DSG4: variants seen among roughly 807,000 people sequenced by gnomAD.
DSG4 encodes the protein desmoglein 4, also known as desmoglein-4.
In DSG4, 87 loss-of-function variants were observed where a neutral mutation model predicts 93.1. The observed-to-expected ratio is 0.93, with a 90% CI of 0.79 to 1.12. The LOEUF (loss-of-function observed/expected upper bound fraction) is 1.12, where lower values mean the gene tolerates loss of function less well. DSG4 is among the 50% of genes most tolerant of loss of function. DSG4 has a pLI of 0.00. For synonymous variants in DSG4, 432 were observed against 452.9 expected (o/e 0.95, Z 0.59); for missense variants, 1,373 against 1,285.7 (o/e 1.07, Z -1.04).
chr18:31,405,468 A>G (rs887346689), intron 11 of DSG4, among the ~76,000 whole-genome samples: 10 of 152,152 alleles, frequency 6.6e-5, no homozygotes, highest in Non-Finnish European at 1.2e-4. Flanking sequence ...TTATATGCCA[A>G]TTACTGTTGC....
At chr18:31,404,419 A>G (rs2072402644) in intron 11 of DSG4, among the ~76,000 whole-genome samples, 1 of 152,190 alleles carries the variant, frequency 6.6e-6, no homozygotes, top group South Asian at 2.1e-4. Context: ...TTTTCCTAAA[A>G]CGTTAAGTGC....
intron 5 of DSG4, 97 bp downstream of exon 5, chr18:31,389,115 A>G: frequency 7.2e-7 from 1 of 1,386,398 alleles, no homozygotes; most frequent in South Asian, 1.2e-5. Context: ...TAAAGGACAG[A>G]AAAAGCCACA....
Position 31,414,012 on chromosome 18 carries a change from A to AT in DSG4, c.*422dup, listed in dbSNP as rs1233698199. 4.3e-5 allele frequency: 7 copies of AT among 161,610 alleles called. 1 individual carries two copies. The South Asian group carries it at 6.8e-4, about 16-fold the overall frequency. The allele number at this position is 161,610 out of a possible 1,614,324, so 10.0% of individuals were successfully genotyped here. ...TCGTTAGGGAAATATTTATATTAAA[A>AT]TTTTTAATTGAAAAGTTGAATGAAA... On this transcript the variant is annotated 3_prime_UTR_variant, in exon 16 of 16. Transcript: ENST00000308128.
intron 1 of DSG4, among the ~76,000 whole-genome samples, chr18:31,379,082 G>A (rs2072107281): frequency 6.6e-6 from 1 of 152,096 alleles, no homozygotes. Flanking sequence ...ATTACAATAG[G>A]GCACTGATTT....
chr18:31,388,339 A>G (rs764662007), intron 3 of DSG4, 28 bp from the exon 4 acceptor site: 1 of 1,611,710 alleles, frequency 6.2e-7, no homozygotes, highest in South Asian at 1.1e-5. Context: ...TCTAAACTGG[A>G]TCACAATCCT....
intron 8 of DSG4, among the ~76,000 whole-genome samples, chr18:31,398,729 T>C (rs533401047): frequency 6.6e-6 from 1 of 152,212 alleles, no homozygotes; most frequent in Non-Finnish European, 1.5e-5. Flanking sequence ...GGAGTCTTCC[T>C]GTCCACCAGA....
intron 2 of DSG4, among the ~76,000 whole-genome samples, 157 bp from the exon 3 acceptor site, chr18:31,386,527 GCTAT>G (rs2072189457): frequency 6.6e-6 from 1 of 152,126 alleles, no homozygotes; most frequent in South Asian, 2.1e-4. Context: ...GGGTAACCAA[GCTAT>G]CTATCTATCC....
intron 1 of DSG4, among the ~76,000 whole-genome samples, chr18:31,378,179 T>C (rs2072097509): frequency 1.3e-5 from 2 of 152,220 alleles, no homozygotes; most frequent in South Asian, 4.1e-4. Context: ...AATACCATTT[T>C]TGAAAAATAT....
chr18:31,400,770 T>C, intron 9 of DSG4, 111 bp from the exon 10 acceptor site: 3 of 1,132,544 alleles, frequency 2.6e-6, no homozygotes, highest in South Asian at 2.8e-5. Context: ...CAATCATCAC[T>C]ATAAAACATA....
At chr18:31,398,487 T>C (rs1221365649) in intron 8 of DSG4, among the ~76,000 whole-genome samples, 1 of 152,232 alleles carries the variant, frequency 6.6e-6, no homozygotes, top group Non-Finnish European at 1.5e-5. Context: ...CTTGCTGATA[T>C]CTTGACTTCT....
At chr18:31,401,567 A>G (rs541213782) in intron 10 of DSG4, 3 of 152,476 alleles carry the variant, frequency 2.0e-5, no homozygotes, top group South Asian at 2.1e-4. Flanking sequence ...TCATAAATAC[A>G]GATGCACTGA....
At chr18:31,404,853 G>A (rs527857157) in intron 11 of DSG4, among the ~76,000 whole-genome samples, 2 of 151,728 alleles carry the variant, frequency 1.3e-5, no homozygotes, top group South Asian at 2.1e-4. Context: ...TTCCTCATTC[G>A]GATCCTAGAT....
intron 1 of DSG4, among the ~76,000 whole-genome samples, chr18:31,381,252 G>C (rs1041844655): frequency 6.6e-6 from 1 of 152,132 alleles, no homozygotes; most frequent in African/African-American, 2.4e-5. Flanking sequence ...ATATTGAGAC[G>C]AGGTATTGGT....
intron 10 of DSG4, 100 bp from the exon 11 acceptor site, chr18:31,403,314 GTA>G: frequency 1.0e-6 from 1 of 990,106 alleles, no homozygotes; most frequent in Non-Finnish European, 1.6e-6. Flanking sequence ...CCCAAGTCAC[GTA>G]TATGTTTCCT....
chr18:31,381,578 GT>G (rs2072135109), intron 1 of DSG4, among the ~76,000 whole-genome samples: 1 of 151,894 alleles, frequency 6.6e-6, no homozygotes, highest in African/African-American at 2.4e-5. Context: ...CTTCCCTCCT[GT>G]TTTAACATGT....
rs2072257358 is a variant in DSG4, at chr18:31,392,198, T to TA, written c.864dup (p.Arg289ThrfsTer6). 4 of 1,613,778 alleles carry TA rather than the reference T, an allele frequency of 2.5e-6. No homozygotes were observed. Among genetic ancestry groups the TA allele is most frequent in the Non-Finnish European group, 3.4e-6 (4 of 1,179,830 alleles). On this transcript the variant is annotated frameshift_variant, in exon 8 of 16. Coordinates refer to ENST00000308128, the MANE Select transcript of DSG4 (RefSeq NM_177986.5). LOFTEE classifies it high-confidence loss of function. ...GAGAATTGTTTAAGTTCGGAACTGATACGATTACAAGCAATTGATCTTGAT... is the reference window on the plus strand; with the variant it reads ...GAGAATTGTTTAAGTTCGGAACTGATAACGATTACAAGCAATTGATCTTGAT...
At chr18:31,397,354 G>T (rs781611662) in intron 8 of DSG4, among the ~76,000 whole-genome samples, 2 of 152,092 alleles carry the variant, frequency 1.3e-5, no homozygotes, top group African/African-American at 4.8e-5. Flanking sequence ...TCCTTAAACT[G>T]CAGAGACTGA....
chr18:31,408,564 T>C (rs755181730), intron 12 of DSG4, among the ~76,000 whole-genome samples: 17 of 152,236 alleles, frequency 1.1e-4, no homozygotes, highest in Non-Finnish European at 2.5e-4. Context: ...TTTTAATTTT[T>C]GTGGGTACAT....
intron 12 of DSG4, among the ~76,000 whole-genome samples, chr18:31,407,019 ACCTG>A (rs1330070890): frequency 1.3e-5 from 2 of 152,024 alleles, no homozygotes; most frequent in Non-Finnish European, 2.9e-5. Context: ...CTCGTGGTCC[ACCTG>A]CCTTGGGCTC....
Sources: allele counts gnomAD v4.1 joint callset (sites outside exome capture counted in the v4.1 genomes callset), GRCh38; gene constraint gnomAD v4.1.1; transcripts MANE v1.5; gene names NCBI Gene and HGNC (gene_info 2026-07-23, HGNC 2026-07-21).